Variants in MERTK observed in about 807,000 individuals in gnomAD.
MERTK encodes MER proto-oncogene, tyrosine kinase.
A neutral mutation model predicts 99.3 loss-of-function variants in MERTK; 69 were observed. The ratio of observed to expected loss-of-function variants is 0.70; its 90% CI spans 0.57 to 0.85. The LOEUF (loss-of-function observed/expected upper bound fraction) is 0.85. MERTK is among the 40% of genes least tolerant of loss of function. The pLI is 0.00. For missense variants in MERTK, 1,125 were observed against 1,249.4 expected (o/e 0.90, Z 1.50); for synonymous variants, 426 against 467.6 (o/e 0.91, Z 1.15).
intron 18 of MERTK, among the ~76,000 whole-genome samples, chr2:112,027,339 A>T (rs771807745): frequency 6.6e-6 from 1 of 151,732 alleles, no homozygotes; most frequent in African/African-American, 2.4e-5. Flanking sequence ...TATGGCATAT[A>T]TATACACACA....
chr2:111,947,368 T>G, intron 3 of MERTK, 26 bp from the exon 4 acceptor site: 1 of 1,610,826 alleles, frequency 6.2e-7, no homozygotes, highest in East Asian at 2.2e-5. Context: ...TCTGAAACAT[T>G]CTTTTGTGTA....
At chr2:111,956,720 C>T (rs560543795) in intron 4 of MERTK, among the ~76,000 whole-genome samples, 2 of 152,070 alleles carry the variant, frequency 1.3e-5, no homozygotes, top group Non-Finnish European at 2.9e-5. Context: ...TGTGCAGTGG[C>T]GTGATCTCTA....
intron 7 of MERTK, among the ~76,000 whole-genome samples, chr2:111,978,821 G>T (rs941388694): frequency 6.6e-6 from 1 of 152,196 alleles, no homozygotes; most frequent in Non-Finnish European, 1.5e-5. Context: ...TAAATAGTGA[G>T]CTTTGTTTTG....
At chr2:111,930,574 C>G (rs1352794084) in intron 2 of MERTK, 1 of 152,326 alleles carries the variant, frequency 6.6e-6, no homozygotes, top group Admixed American at 6.5e-5. Flanking sequence ...GCTGATGTAG[C>G]CCCCGTGCAC....
At chr2:111,958,171 G>A (rs1045910276) in intron 4 of MERTK, among the ~76,000 whole-genome samples, 4 of 152,126 alleles carry the variant, frequency 2.6e-5, no homozygotes, top group South Asian at 4.1e-4. Flanking sequence ...TCCAGTGCCC[G>A]GGGCCATTCA....
rs746227697 is a variant in MERTK at position 111,994,417 on chromosome 2, C to T, written c.1450+13C>T. The stretch of plus-strand genomic sequence containing the variant: ...ATCCCTGCACACGGTGAGAGCTATA[C>T]CCAGTAAGGGCTGATAGGATGTGAT... On this transcript the variant is annotated intron_variant, in intron 9 of 18. Transcript: ENST00000295408. 1.5e-5 allele frequency: 25 copies of T among 1,613,866 alleles called. No individual in the cohort carries two copies. Among genetic ancestry groups the T allele is most frequent in the Non-Finnish European group, 2.1e-5 (25 of 1,179,952 alleles).
At chr2:111,990,082 G>A (rs372345813) in intron 8 of MERTK, among the ~76,000 whole-genome samples, 12 of 152,236 alleles carry the variant, frequency 7.9e-5, no homozygotes, top group African/African-American at 2.2e-4. Context: ...ATGGGGTAGC[G>A]CCTGTGTGCA....
rs1164601019 is a variant in MERTK at position 112,029,362 on chromosome 2, A to G, written c.*498A>G. 3.0e-5 allele frequency: 28 copies of G among 937,640 alleles called. No individual in the cohort carries two copies. The highest frequency in any genetic ancestry group is 3.4e-5 in the Non-Finnish European group (27 of 785,864). 58.1% of individuals were successfully genotyped at this position (937,640 alleles called of 1,614,324 possible). On this transcript the variant is annotated 3_prime_UTR_variant, in exon 19 of 19. Coordinates refer to ENST00000295408, the MANE Select transcript of MERTK (RefSeq NM_006343.3). ...TATGGCTTCCTAATAAAATATGAAT[A>G]AGGAAGGATATGTTGAACTTACTTG...
intron 4 of MERTK, among the ~76,000 whole-genome samples, chr2:111,956,972 G>A (rs1490614178): frequency 1.4e-5 from 2 of 141,910 alleles, no homozygotes; most frequent in Non-Finnish European, 1.5e-5. Flanking sequence ...ATGTCACCCA[G>A]GCTGGAGTGC....
At chr2:112,010,821 T>G (rs557700112) in intron 15 of MERTK, among the ~76,000 whole-genome samples, 70 of 152,316 alleles carry the variant, frequency 4.6e-4, no homozygotes, top group African/African-American at 1.4e-3. Context: ...GTGTCCTGAC[T>G]ACATGCCCAG....
chr2:111,977,154 CTCCTTCT>C (rs1676270290), intron 7 of MERTK, among the ~76,000 whole-genome samples: 1 of 152,168 alleles, frequency 6.6e-6, no homozygotes, highest in African/African-American at 2.4e-5. Flanking sequence ...TGACATCATT[CTCCTTCT>C]TCCTGAAGAA....
Position 112,029,449 on chromosome 2 carries a change from C to A in MERTK, c.*585C>A. ...CCTTTGCAAAGGAATTCCCTTAATGCCTGGTCCTTGGGGCAATTGCTCTGA... is the reference window on the plus strand; with the variant it reads ...CCTTTGCAAAGGAATTCCCTTAATGACTGGTCCTTGGGGCAATTGCTCTGA... On this transcript the variant is annotated 3_prime_UTR_variant, in exon 19 of 19. Transcript: ENST00000295408. 1 of 584,134 alleles carries A rather than the reference C, an allele frequency of 1.7e-6. No individual in the cohort carries two copies. The highest frequency in any genetic ancestry group is 2.2e-6 in the Non-Finnish European group (1 of 463,322). 36.2% of individuals were successfully genotyped at this position (584,134 alleles called of 1,614,324 possible).
intron 8 of MERTK, among the ~76,000 whole-genome samples, chr2:111,983,381 T>A (rs1167856866): frequency 6.6e-6 from 1 of 152,174 alleles, no homozygotes; most frequent in Non-Finnish European, 1.5e-5. Flanking sequence ...CAGCAATTCA[T>A]GGCCTTTTGG....
At chr2:112,009,838 A>C (rs1479546094) in intron 14 of MERTK, 110 bp from the exon 15 acceptor site, 11 of 855,544 alleles carry the variant, frequency 1.3e-5, no homozygotes, top group Non-Finnish European at 2.0e-5. Context: ...GATTTTTTCA[A>C]ACTGTTAACT....
At chr2:111,909,202 G>A (rs1684195245) in intron 1 of MERTK, among the ~76,000 whole-genome samples, 1 of 152,030 alleles carries the variant, frequency 6.6e-6, no homozygotes. Flanking sequence ...CACTATTGTG[G>A]CAGGCCAGGT....
chr2:111,987,867 G>GCGGTT (rs1358164966), intron 8 of MERTK, among the ~76,000 whole-genome samples: 7 of 152,102 alleles, frequency 4.6e-5, no homozygotes, highest in Non-Finnish European at 8.8e-5. Flanking sequence ...TTTTTATGGA[G>GCGGTT]TTCGTTGCTT....
intron 7 of MERTK, among the ~76,000 whole-genome samples, chr2:111,978,226 C>T (rs368948289): frequency 1.1e-4 from 16 of 151,746 alleles, no homozygotes; most frequent in South Asian, 4.2e-4. Flanking sequence ...CTCAGCTCAC[C>T]GCAACATCTG....
At chr2:111,913,319 G>A (rs1430899519) in intron 1 of MERTK, among the ~76,000 whole-genome samples, 1 of 152,070 alleles carries the variant, frequency 6.6e-6, no homozygotes, top group African/African-American at 2.4e-5. Context: ...TTTCATCAGT[G>A]TTTTGTTGTT....
intron 2 of MERTK, among the ~76,000 whole-genome samples, chr2:111,936,531 T>G (rs1265073965): frequency 6.6e-6 from 1 of 152,236 alleles, no homozygotes; most frequent in Non-Finnish European, 1.5e-5. Context: ...TATGCTTGTT[T>G]TATGCTAATA....
Sources: gnomAD v4.1 joint callset for allele counts (sites outside exome capture counted in the v4.1 genomes callset) on GRCh38, gnomAD v4.1.1 for gene constraint, MANE v1.5 for transcripts, NCBI Gene and HGNC (gene_info 2026-07-23, HGNC 2026-07-21) for gene names.